Variants in ANKS1B observed in about 807,000 individuals in gnomAD.
ANKS1B encodes the protein ankyrin repeat and sterile alpha motif domain containing 1B.
Under a neutral mutation model 148.3 loss-of-function variants are expected in ANKS1B, and 36 were observed. That is an observed-to-expected ratio of 0.24 (90% CI 0.19 to 0.32). The LOEUF (loss-of-function observed/expected upper bound fraction) is 0.32. Ranked by LOEUF, ANKS1B falls within the 10% of genes least tolerant of loss-of-function variation. The pLI is 1.00. For synonymous variants in ANKS1B, 542 were observed against 560.8 expected (o/e 0.97, Z 0.47); for missense variants, 1,157 against 1,542.6 (o/e 0.75, Z 4.19).
At chr12:98,831,468 T>A (rs2099314937) in intron 18 of ANKS1B, 1 of 152,576 alleles carries the variant, frequency 6.6e-6, no homozygotes, top group South Asian at 2.1e-4. Flanking sequence ...AGAAAACCCA[T>A]TTCCGCTCTC....
intron 12 of ANKS1B, among the ~76,000 whole-genome samples, chr12:99,327,138 T>C (rs2086492066): frequency 1.6e-5 from 2 of 122,808 alleles, no homozygotes; most frequent in African/African-American, 6.3e-5. Flanking sequence ...AATATATTAA[T>C]ATACAATAAT....
intron 12 of ANKS1B, among the ~76,000 whole-genome samples, chr12:99,398,235 A>G (rs2094306887): frequency 6.6e-6 from 1 of 152,094 alleles, no homozygotes; most frequent in Admixed American, 6.6e-5. Context: ...CCCATTAGTC[A>G]TTGTTTTTAA....
intron 12 of ANKS1B, among the ~76,000 whole-genome samples, chr12:99,387,968 C>T (rs186568174): frequency 5.3e-5 from 8 of 151,994 alleles, no homozygotes; most frequent in South Asian, 4.2e-4. Flanking sequence ...CTTAGAAGTC[C>T]ATGATATATT....
chr12:99,694,784 T>G (rs1349228771), intron 8 of ANKS1B, among the ~76,000 whole-genome samples: 1 of 152,172 alleles, frequency 6.6e-6, no homozygotes, highest in Admixed American at 6.5e-5. Context: ...AGATCTTACA[T>G]GTTATTTTGC....
At chr12:99,301,920 C>CG (rs1449370863) in intron 12 of ANKS1B, among the ~76,000 whole-genome samples, 18 of 151,834 alleles carry the variant, frequency 1.2e-4, no homozygotes, top group African/African-American at 4.4e-4. Flanking sequence ...CATTTAAAAG[C>CG]GGGAAAAGGA....
chr12:99,558,231 G>A (rs535398951), intron 9 of ANKS1B, among the ~76,000 whole-genome samples: 79 of 152,260 alleles, frequency 5.2e-4, no homozygotes, highest in African/African-American at 1.4e-3. Context: ...TGACCGTAGC[G>A]GTGGGGCAGG....
chr12:99,970,115 T>C (rs888352629), intron 1 of ANKS1B, among the ~76,000 whole-genome samples: 2 of 152,204 alleles, frequency 1.3e-5, no homozygotes, highest in Non-Finnish European at 2.9e-5. Context: ...TCTCAAATTT[T>C]AGTGCACATA....
At chr12:99,389,563 T>C (rs2093988328) in intron 12 of ANKS1B, among the ~76,000 whole-genome samples, 1 of 152,142 alleles carries the variant, frequency 6.6e-6, no homozygotes, top group African/African-American at 2.4e-5. Flanking sequence ...ATCACACAAA[T>C]ATAACTAATA....
chr12:99,862,544 A>G (rs1163040182), intron 1 of ANKS1B, among the ~76,000 whole-genome samples: 2 of 152,242 alleles, frequency 1.3e-5, no homozygotes, highest in African/African-American at 4.8e-5. Context: ...TTAAAAGGGT[A>G]TCATGTTTTG....
intron 12 of ANKS1B, among the ~76,000 whole-genome samples, chr12:99,283,046 A>C (rs1414753075): frequency 6.6e-6 from 1 of 152,178 alleles, no homozygotes; most frequent in African/African-American, 2.4e-5. Flanking sequence ...AAAGAGAATA[A>C]AAGGAAGCAG....
intron 16 of ANKS1B, among the ~76,000 whole-genome samples, chr12:99,075,098 G>A (rs1407144370): frequency 1.3e-5 from 2 of 152,168 alleles, no homozygotes; most frequent in African/African-American, 2.4e-5. Flanking sequence ...AGGAGATGAT[G>A]TTTCTGGCAC....
At chr12:99,110,522 C>A (rs1041624630) in intron 15 of ANKS1B, among the ~76,000 whole-genome samples, 3 of 152,172 alleles carry the variant, frequency 2.0e-5, no homozygotes, top group Non-Finnish European at 4.4e-5. Flanking sequence ...TATTTATCAT[C>A]ATTCTAGGTC....
At chr12:99,675,398 ATATT>A (rs920578853) in intron 8 of ANKS1B, among the ~76,000 whole-genome samples, 7 of 151,984 alleles carry the variant, frequency 4.6e-5, no homozygotes, top group East Asian at 1.9e-4. Flanking sequence ...TTCTCAGAAA[ATATT>A]TAGTAATATG....
chr12:99,269,090 G>A (rs560559657), intron 12 of ANKS1B, among the ~76,000 whole-genome samples: 12 of 152,040 alleles, frequency 7.9e-5, no homozygotes, highest in East Asian at 1.9e-4. Context: ...AACAAAATCC[G>A]GATATTTTTT....
At position 99,490,048 on chromosome 12, in the gene ANKS1B, T is replaced by G. The variant is rs931782719; in HGVS notation, c.1438+14428A>C. On this transcript the variant is annotated intron_variant, in intron 10 of 26. Transcript: ENST00000683438. ...CCTTCTTGAATCCCAGTATCTAGAG[T>G]GCTTTAAGCTATTATTTTGCCAAGT... 2.6e-5 allele frequency among the ~76,000 whole-genome samples: 4 copies of G among 152,306 alleles called. No homozygotes were observed. The South Asian group carries it at 8.3e-4, about 32-fold the overall frequency.
At chr12:98,971,543 AG>A (rs2099883121) in intron 17 of ANKS1B, among the ~76,000 whole-genome samples, 1 of 152,222 alleles carries the variant, frequency 6.6e-6, no homozygotes, top group African/African-American at 2.4e-5. Context: ...ATACAGACTA[AG>A]GGGATTCTTT....
At chr12:99,737,881 C>A (rs183554950) in intron 8 of ANKS1B, among the ~76,000 whole-genome samples, 5 of 152,206 alleles carry the variant, frequency 3.3e-5, no homozygotes, top group African/African-American at 9.6e-5. Context: ...CAATTACCAA[C>A]TATTCATCAA....
intron 12 of ANKS1B, among the ~76,000 whole-genome samples, chr12:99,357,530 T>C (rs1436751144): frequency 1.3e-5 from 2 of 152,156 alleles, no homozygotes; most frequent in Non-Finnish European, 2.9e-5. Context: ...ATAAGTTTAA[T>C]ATACAGAAAG....
intron 12 of ANKS1B, among the ~76,000 whole-genome samples, chr12:99,247,620 C>T (rs905398370): frequency 1.7e-4 from 26 of 152,028 alleles, no homozygotes; most frequent in Non-Finnish European, 2.9e-4. Context: ...GAAAAGAAAC[C>T]AATGATGAAT....
Sources: allele counts gnomAD v4.1 joint callset (sites outside exome capture counted in the v4.1 genomes callset), GRCh38; gene constraint gnomAD v4.1.1; transcripts MANE v1.5; gene names NCBI Gene and HGNC (gene_info 2026-07-23, HGNC 2026-07-21).